HORMAD2: variants seen among roughly 807,000 people sequenced by gnomAD.
HORMAD2 encodes HORMA domain containing 2.
In HORMAD2, 45 loss-of-function variants were observed where a neutral mutation model predicts 38.8. The ratio of observed to expected loss-of-function variants is 1.16; its 90% CI spans 0.91 to 1.49. The LOEUF (loss-of-function observed/expected upper bound fraction) is 1.49, where lower values mean the gene tolerates loss of function less well. HORMAD2 is among the 40% of genes most tolerant of loss of function. The pLI is 0.00. For missense variants in HORMAD2, 338 were observed against 367.0 expected (o/e 0.92, Z 0.65); for synonymous variants, 126 against 122.8 (o/e 1.03, Z -0.17).
In HORMAD2 at chr22:30,176,189, T is replaced by A; in HGVS notation, c.*22T>A. 7.1e-7 allele frequency: 1 copy of A among 1,407,068 alleles called. No individual in the cohort carries two copies. Among genetic ancestry groups the A allele is most frequent in the Non-Finnish European group, 1.0e-6 (1 of 998,088 alleles). 87.2% of individuals were successfully genotyped at this position (1,407,068 alleles called of 1,614,324 possible). On this transcript the variant is annotated 3_prime_UTR_variant, in exon 11 of 11. Coordinates refer to ENST00000336726, the MANE Select transcript of HORMAD2 (RefSeq NM_152510.4). Reference sequence around the variant, plus strand: ...ATGAAAGCTAAATATTCCTTCTACATTTATTTTAAAATAAGTTTATTTTGT... The same window carrying A: ...ATGAAAGCTAAATATTCCTTCTACAATTATTTTAAAATAAGTTTATTTTGT...
At chr22:30,088,196 T>C (rs1276357385) in intron 1 of HORMAD2, among the ~76,000 whole-genome samples, 1 of 150,136 alleles carries the variant, frequency 6.7e-6, no homozygotes, top group African/African-American at 2.4e-5. Flanking sequence ...TATACCTATG[T>C]ATACATATAT....
At chr22:30,103,649 ATTTTTTTTTTTTTTTTTTT>A (rs71198524) in intron 4 of HORMAD2, 149 bp downstream of exon 4, 3 of 75,300 alleles carry the variant, frequency 4.0e-5, no homozygotes, top group Non-Finnish European at 6.1e-5. Flanking sequence ...TCTGTTTTTG[ATTTTTTTTTTTTTTTTTTT>A]TTTTTTTTTT....
intron 1 of HORMAD2, among the ~76,000 whole-genome samples, chr22:30,092,874 T>C (rs969664328): frequency 6.6e-6 from 1 of 152,226 alleles, no homozygotes; most frequent in Non-Finnish European, 1.5e-5. Context: ...AGTGCCATGC[T>C]GTTTTGGTTA....
At chr22:30,151,800 A>T (rs991815353) in intron 10 of HORMAD2, among the ~76,000 whole-genome samples, 1 of 152,258 alleles carries the variant, frequency 6.6e-6, no homozygotes, top group East Asian at 1.9e-4. Flanking sequence ...AGATACTTTC[A>T]TAGGAATTGA....
At chr22:30,096,607 A>G (rs1012582924) in intron 2 of HORMAD2, among the ~76,000 whole-genome samples, 3 of 151,818 alleles carry the variant, frequency 2.0e-5, no homozygotes, top group Non-Finnish European at 4.4e-5. Flanking sequence ...AGCTGGGATT[A>G]TGGGTGCCTT....
At position 30,111,729 on chromosome 22, in the gene HORMAD2, A is replaced by G. The variant is rs544333671; in HGVS notation, c.295-67A>G. 7.2e-5 allele frequency: 89 copies of G among 1,236,304 alleles called. 2 individuals carry two copies. In the South Asian group the frequency reaches 1.3e-3, roughly 17 times the overall value. 76.6% of individuals were successfully genotyped at this position (1,236,304 alleles called of 1,614,324 possible). A position where few individuals can be genotyped will look rare whatever the true frequency, so the allele number is the denominator to read the frequency against. On this transcript the variant is annotated intron_variant, in intron 5 of 10. Transcript: ENST00000336726. The stretch of plus-strand genomic sequence containing the variant: ...TCTGAAATAATATTTTAATTAGTCT[A>G]TTGAAAAGAATGATAATATAGGTGC...
the HORMAD2 span, among the ~76,000 whole-genome samples, chr22:30,197,994 T>C: frequency 6.8e-6 from 1 of 147,620 alleles, no homozygotes; most frequent in South Asian, 2.2e-4. Context: ...CTAGGCAACA[T>C]GGTAAAATCT....
intron 10 of HORMAD2, among the ~76,000 whole-genome samples, chr22:30,168,318 C>G: frequency 6.6e-6 from 1 of 152,174 alleles, no homozygotes; most frequent in East Asian, 1.9e-4. Context: ...TTACCTATAT[C>G]TGTATCCATT....
At chr22:30,103,338 TAAATA>T in intron 3 of HORMAD2, 94 bp from the exon 4 acceptor site, 1 of 694,626 alleles carries the variant, frequency 1.4e-6, no homozygotes, top group South Asian at 1.7e-5. Flanking sequence ...ATAAATTACA[TAAATA>T]AAATAGTTAA....
At chr22:30,155,655 A>AACAC (rs3067136) in intron 10 of HORMAD2, among the ~76,000 whole-genome samples, 29 of 150,366 alleles carry the variant, frequency 1.9e-4, no homozygotes, top group African/African-American at 3.4e-4. Context: ...GTATGTACAC[A>AACAC]ACACACACAC....
chr22:30,176,233 T>C lies in HORMAD2; in HGVS notation c.*66T>C. On this transcript the variant is annotated 3_prime_UTR_variant, in exon 11 of 11. Transcript: ENST00000336726. ...ATTTTGTAAAAACATGCATAAACTG[T>C]CTTAGCAGGAAAGTACATTCCTGTT... 9.0e-7 allele frequency: 1 copy of C among 1,112,320 alleles called. No individual in the cohort carries two copies. The highest frequency in any genetic ancestry group is 1.3e-6 in the Non-Finnish European group (1 of 761,332). The allele number at this position is 1,112,320 out of a possible 1,614,324, so 68.9% of individuals were successfully genotyped here.
chr22:30,184,128 G>C, the HORMAD2 span, among the ~76,000 whole-genome samples: 4 of 152,166 alleles, frequency 2.6e-5, no homozygotes, highest in Non-Finnish European at 5.9e-5. Context: ...AGATTTAGCT[G>C]TTTCACTGTT....
chr22:30,202,604 C>A, the HORMAD2 span, among the ~76,000 whole-genome samples: 1 of 152,282 alleles, frequency 6.6e-6, no homozygotes, highest in Non-Finnish European at 1.5e-5. Flanking sequence ...TTACAGCCTT[C>A]TCAGCCTTAC....
At chr22:30,173,034 G>A (rs191487532) in intron 10 of HORMAD2, among the ~76,000 whole-genome samples, 6 of 152,262 alleles carry the variant, frequency 3.9e-5, no homozygotes, top group African/African-American at 1.4e-4. Flanking sequence ...AGCCCAGCAG[G>A]CAGAAGAAAC....
the HORMAD2 span, among the ~76,000 whole-genome samples, chr22:30,187,609 TTCAGA>T: frequency 6.6e-6 from 1 of 152,020 alleles, no homozygotes. Context: ...TGATTGAACA[TTCAGA>T]TCATTTTCTT....
chr22:30,100,284 A>G (rs957092846), intron 3 of HORMAD2, among the ~76,000 whole-genome samples: 2 of 152,182 alleles, frequency 1.3e-5, no homozygotes, highest in African/African-American at 4.8e-5. Context: ...AACACCACAC[A>G]TCTACAACCA....
chr22:30,146,862 A>T (rs1924451936), intron 10 of HORMAD2, among the ~76,000 whole-genome samples: 1 of 152,232 alleles, frequency 6.6e-6, no homozygotes, highest in South Asian at 2.1e-4. Context: ...AAGGTCACAG[A>T]TTAATACATA....
chr22:30,163,702 A>G (rs982098406), intron 10 of HORMAD2, among the ~76,000 whole-genome samples: 2 of 152,248 alleles, frequency 1.3e-5, no homozygotes, highest in Non-Finnish European at 2.9e-5. Context: ...TTCTGGGATT[A>G]CAGGCATGAA....
intron 10 of HORMAD2, among the ~76,000 whole-genome samples, chr22:30,134,958 CCAA>C (rs1923558002): frequency 6.6e-6 from 1 of 151,996 alleles, no homozygotes; most frequent in Admixed American, 6.6e-5. Context: ...CCAATTAATC[CCAA>C]CAACAACTTT....
Sources: allele counts gnomAD v4.1 joint callset (sites outside exome capture counted in the v4.1 genomes callset), GRCh38; gene constraint gnomAD v4.1.1; transcripts MANE v1.5; gene names NCBI Gene and HGNC (gene_info 2026-07-23, HGNC 2026-07-21).